The following ADCY2 variants were observed in gnomAD, a reference collection of about 807,000 sequenced individuals.
ADCY2 encodes the protein adenylate cyclase type 2.
Under a neutral mutation model 125.2 loss-of-function variants are expected in ADCY2, and 31 were observed. The ratio of observed to expected loss-of-function variants is 0.25; its 90% CI spans 0.19 to 0.33. The LOEUF is 0.33. Ranked by LOEUF, ADCY2 falls within the 10% of genes least tolerant of loss-of-function variation. The pLI, the probability that ADCY2 is intolerant of heterozygous loss-of-function variation, is 1.00. For missense variants in ADCY2, 904 were observed against 1,418.2 expected (o/e 0.64, Z 5.82); for synonymous variants, 512 against 548.4 (o/e 0.93, Z 0.93).
At chr5:7,789,824 T>TG in intron 20 of ADCY2, 24 bp downstream of exon 20, 5 of 176,508 alleles carry the variant, frequency 2.8e-5, no homozygotes, top group Middle Eastern at 1.9e-3. Flanking sequence ...GGCTGGGGGC[T>TG]GGGGGAGGGG....
At chr5:7,791,087 C>T (rs560321614) in intron 20 of ADCY2, among the ~76,000 whole-genome samples, 1 of 152,056 alleles carries the variant, frequency 6.6e-6, no homozygotes, top group South Asian at 2.1e-4. Context: ...TCAGGGCCCA[C>T]AAGGAATTTT....
At chr5:7,555,227 T>A (rs1735467806) in intron 3 of ADCY2, among the ~76,000 whole-genome samples, 1 of 152,182 alleles carries the variant, frequency 6.6e-6, no homozygotes, top group Non-Finnish European at 1.5e-5. Flanking sequence ...CTACAGGGAG[T>A]TAGATGCATC....
At chr5:7,492,555 G>A (rs950608048) in intron 2 of ADCY2, among the ~76,000 whole-genome samples, 1 of 152,160 alleles carries the variant, frequency 6.6e-6, no homozygotes, top group African/African-American at 2.4e-5. Context: ...ATGGATATTT[G>A]GAGAATTGAA....
chr5:7,775,743 G>A lies in ADCY2; in HGVS notation c.2384+2642G>A, dbSNP rs553108446. Among the ~76,000 whole-genome samples, 33 of 152,256 alleles carry A rather than the reference G, an allele frequency of 2.2e-4. No individual in the cohort carries two copies. The East Asian group carries it at 6.0e-3, about 28-fold the overall frequency. ...TTATTATTGATTATAGTTGCCTTGT[G>A]CTATGAAATAGTAGGTCTTACTCAT... is the stretch of plus-strand genomic sequence containing the variant. On this transcript the variant is annotated intron_variant, in intron 18 of 24. Transcript: ENST00000338316.
chr5:7,750,591 C>G (rs1742778110), intron 15 of ADCY2, among the ~76,000 whole-genome samples: 1 of 152,160 alleles, frequency 6.6e-6, no homozygotes, highest in African/African-American at 2.4e-5. Context: ...ATATAATATA[C>G]CCACTCAGAT....
chr5:7,561,891 A>C (rs957777022), intron 3 of ADCY2, among the ~76,000 whole-genome samples: 2 of 152,174 alleles, frequency 1.3e-5, no homozygotes, highest in Non-Finnish European at 2.9e-5. Flanking sequence ...GGTTAGGTCT[A>C]AGCTAATTTT....
At chr5:7,418,690 C>G (rs543266374) in intron 2 of ADCY2, among the ~76,000 whole-genome samples, 2 of 111,182 alleles carry the variant, frequency 1.8e-5, no homozygotes, top group Admixed American at 2.1e-4. Context: ...GAATCTCACT[C>G]TGTCACCCAG....
At chr5:7,663,492 C>T (rs1739608900) in intron 4 of ADCY2, among the ~76,000 whole-genome samples, 1 of 152,254 alleles carries the variant, frequency 6.6e-6, no homozygotes, top group African/African-American at 2.4e-5. Context: ...GGACTGTGCA[C>T]TGTAACTGAG....
At chr5:7,459,292 G>A (rs999864694) in intron 2 of ADCY2, among the ~76,000 whole-genome samples, 7 of 152,198 alleles carry the variant, frequency 4.6e-5, no homozygotes, top group Non-Finnish European at 8.8e-5. Flanking sequence ...TCTGCCCATT[G>A]AGGGAGCTGG....
intron 3 of ADCY2, among the ~76,000 whole-genome samples, chr5:7,540,357 G>A (rs1734955650): frequency 6.6e-6 from 1 of 151,880 alleles, no homozygotes; most frequent in South Asian, 2.1e-4. Context: ...CTCAGAATAA[G>A]CTCACTTGTG....
chr5:7,699,081 ATTTTTTTTTTTTTT>A (rs561359357), intron 7 of ADCY2, among the ~76,000 whole-genome samples: 150 of 37,970 alleles, frequency 4.0e-3, no homozygotes, highest in Non-Finnish European at 4.5e-3. Context: ...AACAGTAAGC[ATTTTTTTTTTTTTT>A]TTTTTTTTTT....
chr5:7,614,223 A>T (rs1737674128), intron 3 of ADCY2, among the ~76,000 whole-genome samples: 1 of 152,186 alleles, frequency 6.6e-6, no homozygotes, highest in Non-Finnish European at 1.5e-5. Flanking sequence ...AAAGGGGGTT[A>T]TGTTGAAATA....
chr5:7,627,692 A>G (rs1164826287), intron 4 of ADCY2, among the ~76,000 whole-genome samples: 1 of 152,206 alleles, frequency 6.6e-6, no homozygotes, highest in Non-Finnish European at 1.5e-5. Context: ...AGCAAAAAGT[A>G]TATCCTTTAA....
At chr5:7,770,423 T>TGG (rs1365146208) in intron 17 of ADCY2, among the ~76,000 whole-genome samples, 1 of 152,214 alleles carries the variant, frequency 6.6e-6, no homozygotes, top group Non-Finnish European at 1.5e-5. Flanking sequence ...GGTTGATAAC[T>TGG]TTAATTATAA....
chr5:7,557,193 A>G (rs1735550359), intron 3 of ADCY2, among the ~76,000 whole-genome samples: 1 of 145,626 alleles, frequency 6.9e-6, no homozygotes, highest in Non-Finnish European at 1.5e-5. Context: ...TATATATGTG[A>G]TATATATAAC....
chr5:7,567,626 G>A (rs1438493916), intron 3 of ADCY2, among the ~76,000 whole-genome samples: 1 of 152,126 alleles, frequency 6.6e-6, no homozygotes, highest in African/African-American at 2.4e-5. Context: ...GTTGTGTTGA[G>A]TTTAGCTTTA....
intron 3 of ADCY2, among the ~76,000 whole-genome samples, chr5:7,557,135 T>TTATATATATATATATATATATA (rs60652060): frequency 3.9e-3 from 303 of 77,508 alleles, no homozygotes; most frequent in African/African-American, 9.7e-3. Context: ...CAAAAACAGT[T>TTATATATATATATATATATATA]TATATATATA....
At chr5:7,623,719 CT>C (rs1417573313) in intron 3 of ADCY2, among the ~76,000 whole-genome samples, 1 of 152,198 alleles carries the variant, frequency 6.6e-6, no homozygotes, top group Non-Finnish European at 1.5e-5. Context: ...AAGTGCTGGG[CT>C]GCTGCACCTC....
chr5:7,621,105 G>A (rs941061817), intron 3 of ADCY2, among the ~76,000 whole-genome samples: 1 of 152,150 alleles, frequency 6.6e-6, no homozygotes, highest in Non-Finnish European at 1.5e-5. Context: ...CACCTAACTC[G>A]TGATAATTTC....
Sources: allele counts gnomAD v4.1 joint callset (sites outside exome capture counted in the v4.1 genomes callset), GRCh38; gene constraint gnomAD v4.1.1; transcripts MANE v1.5; gene names NCBI Gene and HGNC (gene_info 2026-07-23, HGNC 2026-07-21).